Variants in IRF5 observed in about 807,000 individuals in gnomAD.
IRF5 encodes the protein interferon regulatory factor 5.
IRF5 carries 24 observed loss-of-function variants against 55.1 expected under a neutral mutation model. The ratio of observed to expected loss-of-function variants is 0.44; its 90% CI spans 0.32 to 0.61. The LOEUF is 0.61. Ranked by LOEUF, IRF5 falls within the 20% of genes least tolerant of loss-of-function variation. The probability of loss-of-function intolerance (pLI) is 0.07; values close to 1 mark genes in which losing one functional copy is unlikely to be tolerated. For missense variants in IRF5, 499 were observed against 658.5 expected (o/e 0.76, Z 2.65); for synonymous variants, 258 against 260.2 (o/e 0.99, Z 0.08).
rs192890012 is a variant in IRF5, at chr7:128,948,486, C to T, written c.1300-87C>T. Reference sequence around the variant, plus strand: ...CAGAGCCGGAGAATGCGGTCTATTACTCACCCCTGATGGCTGTCCTCATGC... The same window carrying T: ...CAGAGCCGGAGAATGCGGTCTATTATTCACCCCTGATGGCTGTCCTCATGC... On this transcript the variant is annotated intron_variant, in intron 8 of 8. Coordinates refer to ENST00000357234, the MANE Select transcript of IRF5 (RefSeq NM_001098629.3). This position sits in a 1 kb window ranked among gnomAD's most constrained non-coding sequence, Gnocchi z 4.6. 7 of 1,559,422 alleles carry T rather than the reference C, an allele frequency of 4.5e-6. No homozygotes were observed. Among genetic ancestry groups the T allele is most frequent in the Non-Finnish European group, 6.1e-6 (7 of 1,146,998 alleles).
rs139688977 is a variant in IRF5 at position 128,946,003 on chromosome 7, C to T, written c.354C>T (p.Tyr118=). ...TGCCACCTCAGCCCTACAAGATCTA[C>T]GAGGTCTGCTCCAATGGCCCTGCTC... ...RDMPPQPYKI[Y]EVCSNGPAPT... is the part of the protein sequence containing the mutation. The change falls in exon 3 of 9, where the codon TAC becomes TAT. Residue 118 remains tyrosine (Y), a synonymous_variant. Coordinates refer to ENST00000357234, the MANE Select transcript of IRF5 (RefSeq NM_001098629.3). The surrounding 1 kb of genome is among the most constrained non-coding windows in gnomAD (Gnocchi z 4.2). The T allele has an allele frequency of 1.7e-3, 2,704 of 1,609,996 alleles. 1 individual carries two copies. Among genetic ancestry groups the T allele is most frequent in the Non-Finnish European group, 2.0e-3 (2,412 of 1,178,914 alleles).
At chr7:128,944,576 C>T (rs916967426) in intron 2 of IRF5, among the ~76,000 whole-genome samples, 1 of 152,188 alleles carries the variant, frequency 6.6e-6, no homozygotes, top group African/African-American at 2.4e-5. Flanking sequence ...TTCATCACCA[C>T]CCACTCCCCT....
Position 128,948,625 on chromosome 7 carries a change from C to T in IRF5, c.1352C>T (p.Ser451Phe), listed in dbSNP as rs760179831. The T allele has an allele frequency of 2.8e-5, 45 of 1,614,056 alleles. No individual in the cohort carries two copies. Among genetic ancestry groups the T allele is most frequent in the Non-Finnish European group, 3.8e-5 (45 of 1,180,054 alleles). ...CTGGAGATGTTCTCAGGGGAGCTAT[C>T]TTGGTCAGCTGATAGTATCCGGCTA... ...LLLEMFSGEL[S>F]WSADSIRLQI... Residue 451 changes from serine to phenylalanine, a missense_variant, in exon 9 of 9, where the codon TCT becomes TTT. By Grantham distance (155) the Ser-to-Phe change is radical (BLOSUM62 -2). Transcript: ENST00000357234. This position sits in a 1 kb window ranked among gnomAD's most constrained non-coding sequence, Gnocchi z 4.6.
Position 128,948,922 on chromosome 7 carries a change from C to T in IRF5, c.*104C>T. ...GCACCTGGCTGGCTGCAGGGTCCTA[C>T]CTCTGGGTTTCCTGGAAGTGGATTT... is the stretch of plus-strand genomic sequence containing the variant. On this transcript the variant is annotated 3_prime_UTR_variant, in exon 9 of 9. Coordinates refer to ENST00000357234, the MANE Select transcript of IRF5 (RefSeq NM_001098629.3). The surrounding 1 kb of genome is among the most constrained non-coding windows in gnomAD (Gnocchi z 4.6). 1.4e-6 allele frequency: 2 copies of T among 1,395,170 alleles called. No homozygotes were observed. Among genetic ancestry groups the T allele is most frequent in the Non-Finnish European group, 9.6e-7 (1 of 1,037,346 alleles). 86.4% of individuals were successfully genotyped at this position (1,395,170 alleles called of 1,614,324 possible).
chr7:128,941,974 A>G, intron 1 of IRF5, 97 bp from the exon 2 acceptor site: 1 of 871,902 alleles, frequency 1.1e-6, no homozygotes, highest in Non-Finnish European at 1.8e-6. Context: ...GATGGACTGG[A>G]GAGACCATCC....
Position 128,942,163 on chromosome 7 carries a change from T to C in IRF5, c.82T>C (p.Cys28Arg), listed in dbSNP as rs1181002220. Residue 28 changes from cysteine to arginine, a missense_variant, in exon 2 of 9, where the codon TGC (cysteine) becomes CGC (arginine). Cys to Arg is a radical substitution (Grantham distance 180). Around this residue, in one of 2 missense-constraint regions of IRF5, gnomAD observed 305 missense variants for 340.2 expected, o/e 0.90. Transcript: ENST00000357234. ...CTGGCTGGTGGCCCAGGTGAACAGC[T>C]GCCAGTACCCAGGGCTTCAATGGGT... ...KPWLVAQVNS[C>R]QYPGLQWVNG... 6.2e-7 allele frequency: 1 copy of C among 1,613,800 alleles called. No homozygotes were observed. The highest frequency in any genetic ancestry group is 1.1e-5 in the South Asian group (1 of 91,064).
intron 2 of IRF5, among the ~76,000 whole-genome samples, chr7:128,945,615 C>T (rs1227174386): frequency 6.6e-6 from 1 of 152,212 alleles, no homozygotes; most frequent in Non-Finnish European, 1.5e-5. Context: ...GGAGCAGGGA[C>T]TATGGATGCA....
chr7:128,946,059 C>G lies in IRF5; in HGVS notation c.385+25C>G. The G allele has an allele frequency of 6.4e-7, 1 of 1,552,892 alleles. No individual in the cohort carries two copies. Among genetic ancestry groups the G allele is most frequent in the East Asian group, 2.3e-5 (1 of 43,816 alleles). On this transcript the variant is annotated intron_variant, in intron 3 of 8. Coordinates refer to ENST00000357234, the MANE Select transcript of IRF5 (RefSeq NM_001098629.3). The surrounding 1 kb of genome is among the most constrained non-coding windows in gnomAD (Gnocchi z 4.2). ...GGTATCAGGCCTAGCCCTCTGTGGG[C>G]CACCTGGGAGGCTGTGCAATGTCCT...
At position 128,949,893 on chromosome 7, in the gene IRF5, T is replaced by A. The variant is rs963722056; in HGVS notation, c.*1075T>A. ...GGCACCTACCCGCTCTCACTTCATC[T>A]GTGTCATCTCTGCACACTCCAGCCC... On this transcript the variant is annotated 3_prime_UTR_variant, in exon 9 of 9. Transcript: ENST00000357234. 1 of 152,158 alleles carries A rather than the reference T, an allele frequency of 6.6e-6. No homozygotes were observed. The highest frequency in any genetic ancestry group is 1.5e-5 in the Non-Finnish European group (1 of 68,016). The allele number at this position is 152,158 out of a possible 1,614,324, so 9.4% of individuals were successfully genotyped here.
rs1355469598 is a variant in IRF5 at position 128,947,829 on chromosome 7, G to A, written c.888G>A (p.Glu296=). 1 of 1,613,892 alleles carries A rather than the reference G, an allele frequency of 6.2e-7. No individual in the cohort carries two copies. The highest frequency in any genetic ancestry group is 1.1e-5 in the South Asian group (1 of 91,082). The part of the protein sequence containing the change: ...HGCRLFYSQL[E]ATQEQVELFG... ...GCCGGCTCTTCTACAGCCAGCTGGA[G>A]GCCACCCAGGAGCAGGTGGAACTCT... Residue 296 remains glutamate (E), a synonymous_variant, in exon 7 of 9, where the codon GAG becomes GAA. Transcript: ENST00000357234. The surrounding 1 kb of genome is among the most constrained non-coding windows in gnomAD (Gnocchi z 6.5).
At chr7:128,942,486 T>C (rs1370008452) in intron 2 of IRF5, among the ~76,000 whole-genome samples, 1 of 150,108 alleles carries the variant, frequency 6.7e-6, no homozygotes, top group Non-Finnish European at 1.5e-5. Flanking sequence ...AGAGTCTCGC[T>C]CTGTAGCCCA....
At position 128,947,574 on chromosome 7, in the gene IRF5, G is replaced by T. The variant is rs1319026893; in HGVS notation, c.787+39G>T. ...GCTGGGCACGGGGAAGCAGTGCTGGGGGATTGGGGTAGGATTGGCAAGGAG... is the reference window on the plus strand; with the variant it reads ...GCTGGGCACGGGGAAGCAGTGCTGGTGGATTGGGGTAGGATTGGCAAGGAG... On this transcript the variant is annotated intron_variant, in intron 6 of 8. Transcript: ENST00000357234. This position sits in a 1 kb window ranked among gnomAD's most constrained non-coding sequence, Gnocchi z 6.5. 1.3e-6 allele frequency: 2 copies of T among 1,528,538 alleles called. No homozygotes were observed. Among genetic ancestry groups the T allele is most frequent in the South Asian group, 2.5e-5 (2 of 78,494 alleles). The allele number at this position is 1,528,538 out of a possible 1,614,324, so 94.7% of individuals were successfully genotyped here.
chr7:128,947,101 C>A lies in IRF5; in HGVS notation c.481+45C>A, dbSNP rs1585305365. ...GTTGGGGGTCTAGTATACAGAGAAGCTATAGGTACCATAGGTACCTGGAAG... is the reference window on the plus strand; with the variant it reads ...GTTGGGGGTCTAGTATACAGAGAAGATATAGGTACCATAGGTACCTGGAAG... On this transcript the variant is annotated intron_variant, in intron 5 of 8. Transcript: ENST00000357234. The surrounding 1 kb of genome is among the most constrained non-coding windows in gnomAD (Gnocchi z 6.5). 4 of 1,613,822 alleles carry A rather than the reference C, an allele frequency of 2.5e-6. No homozygotes were observed. In the African/African-American group the frequency reaches 4.0e-5, roughly 16 times the overall value.
rs760299391 is a variant in IRF5 at position 128,947,203 on chromosome 7, A to T, written c.482-27A>T. On this transcript the variant is annotated intron_variant, in intron 5 of 8. Transcript: ENST00000357234. The surrounding 1 kb of genome is among the most constrained non-coding windows in gnomAD (Gnocchi z 6.5). The stretch of plus-strand genomic sequence containing the variant: ...GAGGCAGTTCGTGGAGGTGGCACTG[A>T]CAGCCGTCCACACGCACTCTCTGTA... The T allele has an allele frequency of 1.9e-6, 3 of 1,596,616 alleles. No individual in the cohort carries two copies. The East Asian group carries it at 6.7e-5, about 36-fold the overall frequency.
Position 128,947,480 on chromosome 7 carries a change from C to T in IRF5, c.732C>T (p.Pro244=), listed in dbSNP as rs538241344. The T allele has an allele frequency of 6.2e-6, 10 of 1,606,196 alleles. No individual in the cohort carries two copies. In the African/African-American group the frequency reaches 1.3e-4, roughly 21 times the overall value. The change falls in exon 6 of 9, where the codon CCC becomes CCT. Residue 244 remains proline, a synonymous_variant. Transcript: ENST00000357234. This position sits in a 1 kb window ranked among gnomAD's most constrained non-coding sequence, Gnocchi z 6.5. ...LEPGPLPASL[P]PAGEQLLPDL... ...CTGGGCCCCTGCCTGCCAGCCTGCC[C>T]CCTGCAGGCGAACAGCTCCTGCCAG... is the stretch of plus-strand genomic sequence containing the variant.
At chr7:128,941,708 T>A (rs1796029642) in intron 1 of IRF5, among the ~76,000 whole-genome samples, 1 of 152,146 alleles carries the variant, frequency 6.6e-6, no homozygotes, top group Non-Finnish European at 1.5e-5. Flanking sequence ...AGTCACTGGC[T>A]GTGGGCTGCC....
chr7:128,947,521 CCCA>C lies in IRF5; in HGVS notation c.775_777del (p.His259del). On this transcript the variant is annotated inframe_deletion, in exon 6 of 9. Transcript: ENST00000357234. This position sits in a 1 kb window ranked among gnomAD's most constrained non-coding sequence, Gnocchi z 6.5. ...CTCCTGCCAGACCTGCTGATCAGCC[CCCA>C]CATGCTGCCTCGTAAGGACCCATGG... 1 of 1,567,626 alleles carries C rather than the reference CCCA, an allele frequency of 6.4e-7. No individual in the cohort carries two copies. Among genetic ancestry groups the C allele is most frequent in the Non-Finnish European group, 8.6e-7 (1 of 1,163,014 alleles).
intron 2 of IRF5, 141 bp from the exon 3 acceptor site, chr7:128,945,704 A>C: frequency 2.6e-6 from 2 of 773,550 alleles, no homozygotes; most frequent in South Asian, 2.0e-5. Flanking sequence ...CCCACGCTGC[A>C]AACCAGGTCT....
At chr7:128,937,243 C>T (rs3757386), upstream of IRF5, among the ~76,000 whole-genome samples, 15,412 of 152,242 alleles carry the variant, frequency 0.1, 824 homozygotes, top group Non-Finnish European at 0.12. Context: ...AAGCGAAGAA[C>T]ATTCCATGAG....
Sources: gnomAD v4.1 joint callset for allele counts (sites outside exome capture counted in the v4.1 genomes callset) on GRCh38, gnomAD v4.1.1 for gene constraint, gnomAD v4.1.1 regional missense constraint, Gnocchi (gnomAD v3.1) non-coding constraint, MANE v1.5 for transcripts, NCBI Gene and HGNC (gene_info 2026-07-23, HGNC 2026-07-21) for gene names.